TRIM24: variants seen among roughly 807,000 people sequenced by gnomAD.
TRIM24 encodes tripartite motif containing 24.
In TRIM24, 29 loss-of-function variants were observed where a neutral mutation model predicts 123.9. The observed-to-expected ratio is 0.23, with a 90% CI of 0.17 to 0.32. The LOEUF (loss-of-function observed/expected upper bound fraction) is 0.32, where lower values mean the gene tolerates loss of function less well. Among genes scored for constraint, TRIM24 ranks in the 10% least tolerant of loss-of-function variants. TRIM24 has a pLI of 1.00. For missense variants in TRIM24, 932 were observed against 1,295.3 expected (o/e 0.72, Z 4.31); for synonymous variants, 456 against 461.1 (o/e 0.99, Z 0.14).
rs1388544217 is a variant in TRIM24, at chr7:138,585,312, CTT to C, written c.*363_*364del. 8.2e-6 allele frequency: 2 copies of C among 244,574 alleles called. No individual in the cohort carries two copies. Among genetic ancestry groups the C allele is most frequent in the Non-Finnish European group, 1.6e-5 (2 of 126,380 alleles). The allele number at this position is 244,574 out of a possible 1,614,324, so 15.2% of individuals were successfully genotyped here. ...AAAGGAAATAGACTTTGTATGAACT[CTT>C]TAAGTTGAAAAGTAAAAAATATATG... On this transcript the variant is annotated 3_prime_UTR_variant, in exon 19 of 19. Coordinates refer to ENST00000343526, the MANE Select transcript of TRIM24 (RefSeq NM_015905.3).
Position 138,525,312 on chromosome 7 carries a change from A to C in TRIM24, c.836A>C (p.Glu279Ala). Residue 279 changes from glutamate to alanine, a missense_variant, in exon 5 of 19, where the codon GAA becomes GCA. Physicochemically the swap from Glu to Ala is moderately radical, Grantham distance 107 (BLOSUM62 -1). Transcript: ENST00000343526. ...IIDTLITKLM[E>A]KTKYIKFTGN... The stretch of plus-strand genomic sequence containing the variant: ...GATACACTAATCACCAAACTGATGG[A>C]AAAAACAAAATACATAAAATTCACA... 1 of 1,526,178 alleles carries C rather than the reference A, an allele frequency of 6.6e-7. No homozygotes were observed. The highest frequency in any genetic ancestry group is 8.8e-7 in the Non-Finnish European group (1 of 1,140,812). 94.5% of individuals were successfully genotyped at this position (1,526,178 alleles called of 1,614,324 possible).
chr7:138,559,623 G>A (rs1343305816), intron 9 of TRIM24, among the ~76,000 whole-genome samples: 1 of 152,128 alleles, frequency 6.6e-6, no homozygotes, highest in Non-Finnish European at 1.5e-5. Flanking sequence ...TCAGCTTCCA[G>A]GGTGACCAGA....
intron 1 of TRIM24, among the ~76,000 whole-genome samples, chr7:138,500,713 TA>T (rs112898132): frequency 1.4e-3 from 201 of 145,884 alleles, no homozygotes; most frequent in Non-Finnish European, 1.5e-3. Context: ...GTCTGTACAT[TA>T]AAAAAAAAAA....
chr7:138,560,861 G>A (rs978089634), intron 9 of TRIM24, among the ~76,000 whole-genome samples: 2 of 152,132 alleles, frequency 1.3e-5, no homozygotes, highest in Non-Finnish European at 2.9e-5. Flanking sequence ...TTTACAATGC[G>A]GGGTAGTCAT....
chr7:138,548,486 A>G (rs1267515193), intron 7 of TRIM24, among the ~76,000 whole-genome samples: 1 of 151,984 alleles, frequency 6.6e-6, no homozygotes, highest in Non-Finnish European at 1.5e-5. Flanking sequence ...GCAGGACTGG[A>G]AGTTGCTCTG....
intron 1 of TRIM24, chr7:138,490,783 C>A: frequency 2.0e-6 from 1 of 496,668 alleles, no homozygotes; most frequent in South Asian, 1.5e-5. Flanking sequence ...TTTTCTATGT[C>A]TTTTCCAGTG....
rs1797787795 is a variant in TRIM24 at position 138,577,595 on chromosome 7, A to T, written c.2256+7A>T. 1 of 1,597,028 alleles carries T rather than the reference A, an allele frequency of 6.3e-7. No individual in the cohort carries two copies. The highest frequency in any genetic ancestry group is 1.1e-5 in the South Asian group (1 of 88,600). Reference sequence around the variant, plus strand: ...AGAATCTAGGCCTCAAAATGTAATTATGAATGCTTGCAATGCTATTCCTAT... The same window carrying T: ...AGAATCTAGGCCTCAAAATGTAATTTTGAATGCTTGCAATGCTATTCCTAT... On this transcript the variant is annotated splice_region_variant and intron_variant, in intron 14 of 18. Coordinates refer to ENST00000343526, the MANE Select transcript of TRIM24 (RefSeq NM_015905.3).
At chr7:138,478,170 G>T (rs1392529954) in intron 1 of TRIM24, among the ~76,000 whole-genome samples, 1 of 152,104 alleles carries the variant, frequency 6.6e-6, no homozygotes, top group Non-Finnish European at 1.5e-5. Context: ...ATGTCAGGAG[G>T]ATAAGGAGGG....
rs781643258 is a variant in TRIM24 at position 138,508,662 on chromosome 7, AGTGTGTGT to A, written c.483+4278_483+4285del. On this transcript the variant is annotated intron_variant, in intron 2 of 18. Coordinates refer to ENST00000343526, the MANE Select transcript of TRIM24 (RefSeq NM_015905.3). Reference sequence around the variant, plus strand: ...TTCTTCAGAGGTGACTAATAAGAGGAGTGTGTGTGTGTGTGTGTGTGTGTGTGTGTGCG... The same window carrying A: ...TTCTTCAGAGGTGACTAATAAGAGGAGTGTGTGTGTGTGTGTGTGTGTGCG... Among the ~76,000 whole-genome samples, 32 of 112,902 alleles carry A rather than the reference AGTGTGTGT, an allele frequency of 2.8e-4. No homozygotes were observed. The Middle Eastern group carries it at 0.013, about 44-fold the overall frequency. The allele number at this position is 112,902 out of a possible 152,430, so 74.1% of individuals were successfully genotyped here.
chr7:138,576,138 A>T (rs1797753293), intron 12 of TRIM24, among the ~76,000 whole-genome samples: 1 of 152,180 alleles, frequency 6.6e-6, no homozygotes, highest in Admixed American at 6.5e-5. Flanking sequence ...AAATGCAGAG[A>T]CATTCCTCCA....
intron 1 of TRIM24, among the ~76,000 whole-genome samples, chr7:138,484,184 A>T (rs996022741): frequency 1.3e-5 from 2 of 149,782 alleles, no homozygotes; most frequent in Non-Finnish European, 3.0e-5. Context: ...ATCTTGTCTC[A>T]CCTCAACCTC....
chr7:138,462,462 T>A (rs1795016706), intron 1 of TRIM24, among the ~76,000 whole-genome samples: 1 of 148,432 alleles, frequency 6.7e-6, no homozygotes, highest in South Asian at 2.2e-4. Flanking sequence ...TGCCTCAGCC[T>A]CCCGAGTAGC....
At chr7:138,578,552 GTGTGTGTGTGTGCGCGCA>G (rs1226308825) in intron 14 of TRIM24, among the ~76,000 whole-genome samples, 1 of 137,540 alleles carries the variant, frequency 7.3e-6, no homozygotes, top group African/African-American at 2.6e-5. Flanking sequence ...GTGTGTGTGT[GTGTGTGTGTGTGCGCGCA>G]CGCACGAATG....
intron 1 of TRIM24, chr7:138,461,260 G>T (rs752292889): frequency 2.6e-5 from 15 of 583,266 alleles, no homozygotes; most frequent in Non-Finnish European, 5.0e-5. Context: ...GCTGCAGCCA[G>T]TTAACTGCTA....
chr7:138,462,947 G>A (rs963100510), intron 1 of TRIM24, among the ~76,000 whole-genome samples: 1 of 149,646 alleles, frequency 6.7e-6, no homozygotes, highest in African/African-American at 2.5e-5. Flanking sequence ...TTGGCTCACC[G>A]CAACCTCTGC....
chr7:138,460,693 C>A lies in TRIM24; in HGVS notation c.145C>A (p.Arg49=). The A allele has an allele frequency of 6.5e-7, 1 of 1,544,640 alleles. No individual in the cohort carries two copies. Reference sequence around the variant, plus strand: ...CTCGGAGCGCGGCGGCGAGGCGGCCCGGCTCAACCTGTTGGACACTTGCGC... The same window carrying A: ...CTCGGAGCGCGGCGGCGAGGCGGCCAGGCTCAACCTGTTGGACACTTGCGC... ...PDSERGGEAA[R]LNLLDTCAVC... is the part of the protein sequence containing the mutation. Residue 49 remains arginine, a synonymous_variant, in exon 1 of 19, where the codon CGG becomes AGG. Coordinates refer to ENST00000343526, the MANE Select transcript of TRIM24 (RefSeq NM_015905.3).
chr7:138,565,140 A>C (rs76354668), intron 9 of TRIM24, among the ~76,000 whole-genome samples: 1 of 152,024 alleles, frequency 6.6e-6, no homozygotes. Context: ...CACTCCCCGC[A>C]TTGGTTCCTC....
intron 3 of TRIM24, among the ~76,000 whole-genome samples, chr7:138,516,771 A>G (rs1407896263): frequency 6.6e-6 from 1 of 150,950 alleles, no homozygotes; most frequent in African/African-American, 2.4e-5. Flanking sequence ...TTAAGGATTC[A>G]TCCATGTAAT....
chr7:138,543,837 T>A (rs570620246), intron 7 of TRIM24, among the ~76,000 whole-genome samples: 1 of 152,068 alleles, frequency 6.6e-6, no homozygotes, highest in South Asian at 2.1e-4. Flanking sequence ...TTCTGTTTTT[T>A]TTGTTGTTGT....
Sources: allele counts gnomAD v4.1 joint callset (sites outside exome capture counted in the v4.1 genomes callset), GRCh38; gene constraint gnomAD v4.1.1; transcripts MANE v1.5; gene names NCBI Gene and HGNC (gene_info 2026-07-23, HGNC 2026-07-21).